Variants in GRID2 observed in about 807,000 individuals in gnomAD.
GRID2 encodes the protein glutamate receptor ionotropic, delta-2.
GRID2 carries 33 observed loss-of-function variants against 114.8 expected under a neutral mutation model. That is an observed-to-expected ratio of 0.29 (90% confidence interval 0.22 to 0.38). GRID2 has a LOEUF of 0.38. Ranked by LOEUF, GRID2 falls within the 10% of genes least tolerant of loss-of-function variation. The pLI is 1.00. For synonymous variants in GRID2, 505 were observed against 449.9 expected (o/e 1.12, Z -1.55); for missense variants, 1,184 against 1,257.7 (o/e 0.94, Z 0.89).
chr4:92,880,604 T>A (rs1449767860), intron 2 of GRID2, among the ~76,000 whole-genome samples: 1 of 152,230 alleles, frequency 6.6e-6, no homozygotes, highest in African/African-American at 2.4e-5. Context: ...ATATTTCTAA[T>A]TCATATTTAA....
At chr4:92,565,393 A>G (rs867590279) in intron 1 of GRID2, among the ~76,000 whole-genome samples, 1 of 151,974 alleles carries the variant, frequency 6.6e-6, no homozygotes, top group Non-Finnish European at 1.5e-5. Context: ...GCTAAGAGCT[A>G]GAAGCTTTAT....
chr4:92,892,370 T>C (rs1209482446), intron 2 of GRID2, among the ~76,000 whole-genome samples: 1 of 152,210 alleles, frequency 6.6e-6, no homozygotes, highest in Non-Finnish European at 1.5e-5. Flanking sequence ...TTGAAAAATT[T>C]GTTCTGAGAG....
At chr4:92,744,502 A>T (rs1211882652) in intron 2 of GRID2, among the ~76,000 whole-genome samples, 1 of 151,898 alleles carries the variant, frequency 6.6e-6, no homozygotes, top group Admixed American at 6.6e-5. Context: ...AAAAAAAAAA[A>T]AAAATTTTTT....
chr4:92,680,065 C>T (rs1016529242), intron 2 of GRID2, among the ~76,000 whole-genome samples: 3 of 151,756 alleles, frequency 2.0e-5, no homozygotes, highest in Non-Finnish European at 4.4e-5. Flanking sequence ...CCGGTGAGTC[C>T]CAATGATAAG....
Position 92,942,962 on chromosome 4 carries a change from G to T in GRID2, c.245-142033G>T, listed in dbSNP as rs568305823. Among the ~76,000 whole-genome samples, 36 of 152,210 alleles carry T rather than the reference G, an allele frequency of 2.4e-4. 1 individual carries two copies. Among genetic ancestry groups the T allele is most frequent in the East Asian group, 3.9e-4 (2 of 5,164 alleles). ...CTGCTGTTATTCTGATGGGCTTCCC[G>T]TTGTGGGTAACCCGACCTTTCTCTC... On this transcript the variant is annotated intron_variant, in intron 2 of 15. Coordinates refer to ENST00000282020, the MANE Select transcript of GRID2 (RefSeq NM_001510.4).
rs181294400 is a variant in GRID2 at position 93,055,249 on chromosome 4, T to C, written c.245-29746T>C. On this transcript the variant is annotated intron_variant, in intron 2 of 15. Coordinates refer to ENST00000282020, the MANE Select transcript of GRID2 (RefSeq NM_001510.4). Reference sequence around the variant, plus strand: ...AAGAGTAGGCTGGAATCATGAGACCTTACTGCACAAAGTTCCACCCCTCTC... The same window carrying C: ...AAGAGTAGGCTGGAATCATGAGACCCTACTGCACAAAGTTCCACCCCTCTC... Among the ~76,000 whole-genome samples the C allele has an allele frequency of 2.4e-3, 365 of 151,906 alleles. 2 individuals carry two copies. The highest frequency in any genetic ancestry group is 0.01 in the Middle Eastern group (3 of 294).
chr4:93,390,988 AT>A (rs1764803145), intron 8 of GRID2, among the ~76,000 whole-genome samples: 1 of 151,942 alleles, frequency 6.6e-6, no homozygotes, highest in Non-Finnish European at 1.5e-5. Flanking sequence ...GAACCATGTG[AT>A]TTTTTTTCTG....
intron 12 of GRID2, among the ~76,000 whole-genome samples, chr4:93,505,574 A>G (rs887073733): frequency 4.7e-5 from 7 of 149,324 alleles, no homozygotes; most frequent in Non-Finnish European, 7.4e-5. Flanking sequence ...TATAGTGAAG[A>G]TTTGCTTAAT....
chr4:93,660,790 T>G lies in GRID2; in HGVS notation c.2360+34355T>G, dbSNP rs75763721. On this transcript the variant is annotated intron_variant, in intron 14 of 15. Coordinates refer to ENST00000282020, the MANE Select transcript of GRID2 (RefSeq NM_001510.4). ...CATAGCACAGGCAGCATGAGCCTTA[T>G]GTTTTCACCAGTTCCCCTTGTCTCC... is the stretch of plus-strand genomic sequence containing the variant. 7.5e-3 allele frequency among the ~76,000 whole-genome samples: 1,148 copies of G among 152,130 alleles called. 18 individuals are homozygous for G. Among genetic ancestry groups the G allele is most frequent in the African/African-American group, 0.026 (1,086 of 41,528 alleles).
intron 2 of GRID2, among the ~76,000 whole-genome samples, chr4:92,989,270 C>T (rs1486819280): frequency 9.6e-6 from 1 of 104,388 alleles, no homozygotes; most frequent in Non-Finnish European, 1.8e-5. Context: ...GAGCGAGACT[C>T]CATCTCAAAA....
At chr4:92,585,130 A>G (rs979629527) in intron 1 of GRID2, among the ~76,000 whole-genome samples, 4 of 151,972 alleles carry the variant, frequency 2.6e-5, no homozygotes, top group African/African-American at 9.7e-5. Context: ...TGTTTAGGAA[A>G]GATTGGTTTG....
At chr4:93,105,065 T>C (rs1732076787) in intron 3 of GRID2, among the ~76,000 whole-genome samples, 1 of 152,264 alleles carries the variant, frequency 6.6e-6, no homozygotes, top group South Asian at 2.1e-4. Flanking sequence ...CCAGTGATGA[T>C]GAGCATTTTT....
intron 8 of GRID2, among the ~76,000 whole-genome samples, chr4:93,354,056 T>C (rs1579789216): frequency 2.0e-5 from 3 of 151,914 alleles, no homozygotes; most frequent in African/African-American, 2.4e-5. Context: ...TGCCAGACAC[T>C]GTATTAAGTA....
At chr4:93,626,575 T>C (rs1742756176) in intron 14 of GRID2, 140 bp downstream of exon 14, 1 of 556,232 alleles carries the variant, frequency 1.8e-6, no homozygotes, top group South Asian at 2.9e-5. Flanking sequence ...AAAAAGATAG[T>C]TATAAGTAGT....
chr4:93,445,914 T>G (rs1417092782), intron 10 of GRID2, among the ~76,000 whole-genome samples: 1 of 151,880 alleles, frequency 6.6e-6, no homozygotes, highest in East Asian at 1.9e-4. Context: ...AAATAGAAAA[T>G]TAGAGGAAAT....
intron 8 of GRID2, among the ~76,000 whole-genome samples, chr4:93,358,709 C>T (rs1188535767): frequency 1.3e-5 from 2 of 151,784 alleles, no homozygotes; most frequent in Admixed American, 6.6e-5. Flanking sequence ...TCAGCATCTA[C>T]CCAGATTTTT....
chr4:93,570,042 C>T (rs1735793185), intron 13 of GRID2, among the ~76,000 whole-genome samples: 1 of 152,104 alleles, frequency 6.6e-6, no homozygotes, highest in Non-Finnish European at 1.5e-5. Context: ...GACCAGGGAC[C>T]TTGTGAAATG....
intron 13 of GRID2, among the ~76,000 whole-genome samples, chr4:93,530,931 G>A (rs1458859920): frequency 6.6e-6 from 1 of 152,046 alleles, no homozygotes; most frequent in East Asian, 1.9e-4. Context: ...GTTCTGAGTA[G>A]TACAACTTAT....
intron 8 of GRID2, among the ~76,000 whole-genome samples, chr4:93,297,984 G>T (rs1485302770): frequency 6.6e-6 from 1 of 152,006 alleles, no homozygotes; most frequent in Non-Finnish European, 1.5e-5. Context: ...TGTTATTTAA[G>T]TCCTAGACTT....
Sources: allele counts gnomAD v4.1 joint callset (sites outside exome capture counted in the v4.1 genomes callset), GRCh38; gene constraint gnomAD v4.1.1; transcripts MANE v1.5; gene names NCBI Gene and HGNC (gene_info 2026-07-23, HGNC 2026-07-21).